PPARGC1B: variants seen among roughly 807,000 people sequenced by gnomAD.
PPARGC1B encodes the protein PPARG coactivator 1 beta, also known as peroxisome proliferator-activated receptor gamma coactivator 1-beta.
In PPARGC1B, 34 loss-of-function variants were observed where a neutral mutation model predicts 101.6. The observed-to-expected ratio is 0.33, with a 90% CI of 0.25 to 0.45. PPARGC1B has a LOEUF of 0.45. PPARGC1B is among the 20% of genes least tolerant of loss of function. The pLI is 1.00. For missense variants in PPARGC1B, 1,234 were observed against 1,317.6 expected, an observed-to-expected ratio of 0.94 and a Z score of 0.98; for synonymous variants, 548 against 539.3, an observed-to-expected ratio of 1.02 and a Z score of -0.22.
intron 1 of PPARGC1B, among the ~76,000 whole-genome samples, chr5:149,784,810 G>A (rs1461538213): frequency 7.9e-5 from 12 of 151,904 alleles, no homozygotes; most frequent in African/African-American, 1.4e-4. Flanking sequence ...CTTGTCATCC[G>A]CCTGCCTTGG....
intron 1 of PPARGC1B, among the ~76,000 whole-genome samples, chr5:149,806,181 C>T (rs1757591156): frequency 6.6e-6 from 1 of 152,214 alleles, no homozygotes; most frequent in South Asian, 2.1e-4. Context: ...TGAGGGTCCC[C>T]TGTCTGTTCA....
At chr5:149,790,545 A>G (rs901092105) in intron 1 of PPARGC1B, among the ~76,000 whole-genome samples, 3 of 152,142 alleles carry the variant, frequency 2.0e-5, no homozygotes, top group African/African-American at 4.8e-5. Flanking sequence ...GAGGCCTTTG[A>G]GGCTTAAAAT....
At chr5:149,750,456 ATATAT>A (rs1561851649) in intron 1 of PPARGC1B, among the ~76,000 whole-genome samples, 177 of 4,366 alleles carry the variant, frequency 0.041, 3 homozygotes, top group African/African-American at 0.13. Flanking sequence ...TAGTTAAAAT[ATATAT>A]ATATATATAT....
downstream of PPARGC1B, among the ~76,000 whole-genome samples, chr5:149,856,048 C>T (rs1759940747): frequency 6.6e-6 from 1 of 151,978 alleles, no homozygotes; most frequent in Non-Finnish European, 1.5e-5. Flanking sequence ...ACCCGGGAGG[C>T]GGAGGTTGCA....
Position 149,852,873 on chromosome 5 carries a change from C to G in PPARGC1B, c.*5315C>G, listed in dbSNP as rs528037137. ...AATGGTATAGCAGCAGTGACTGAGC[C>G]TTCGTGATTCCTGGGGACAGCTTTT... On this transcript the variant is annotated 3_prime_UTR_variant, in exon 12 of 12. Transcript: ENST00000309241. The G allele has an allele frequency of 6.6e-6, 1 of 152,210 alleles. No individual in the cohort carries two copies. The highest frequency in any genetic ancestry group is 6.5e-5 in the Admixed American group (1 of 15,282). The allele number at this position is 152,210 out of a possible 1,614,324, so 9.4% of individuals were successfully genotyped here.
At chr5:149,801,378 G>A (rs1268341220) in intron 1 of PPARGC1B, among the ~76,000 whole-genome samples, 1 of 152,212 alleles carries the variant, frequency 6.6e-6, no homozygotes, top group African/African-American at 2.4e-5. Flanking sequence ...TAGAGTGAAG[G>A]ATGAATAGGA....
intron 1 of PPARGC1B, among the ~76,000 whole-genome samples, chr5:149,748,507 A>G (rs1274887722): frequency 6.6e-6 from 1 of 152,110 alleles, no homozygotes; most frequent in African/African-American, 2.4e-5. Flanking sequence ...TGCACGGGAA[A>G]CCAGTTGCAG....
Position 149,830,874 on chromosome 5 carries a change from T to G in PPARGC1B, c.573T>G (p.Pro191=). Residue 191 remains proline (P), a synonymous_variant, in exon 4 of 12, where the codon CCT becomes CCG. Coordinates refer to ENST00000309241, the MANE Select transcript of PPARGC1B (RefSeq NM_133263.4). ...QAGLRSKSQR[P]CVKADSTQDK... is the part of the protein sequence containing the mutation. The stretch of plus-strand genomic sequence containing the variant: ...GCCTCAGATCTAAAAGTCAACGGCC[T>G]TGTGTTAAGGTATTTCTTCACATGC... The G allele has an allele frequency of 6.2e-7, 1 of 1,611,266 alleles. No homozygotes were observed. Among genetic ancestry groups the G allele is most frequent in the Non-Finnish European group, 8.5e-7 (1 of 1,177,364 alleles).
chr5:149,810,996 A>G (rs1035189950), intron 1 of PPARGC1B, among the ~76,000 whole-genome samples: 1 of 152,206 alleles, frequency 6.6e-6, no homozygotes, highest in Non-Finnish European at 1.5e-5. Flanking sequence ...ATGAGAGTGG[A>G]AACTACGGCT....
At chr5:149,841,838 C>T (rs1759350404) in intron 9 of PPARGC1B, among the ~76,000 whole-genome samples, 1 of 152,154 alleles carries the variant, frequency 6.6e-6, no homozygotes, top group Non-Finnish European at 1.5e-5. Flanking sequence ...CTGATGCCCC[C>T]ACCCCATTAC....
rs1464502191 is a variant in PPARGC1B at position 149,852,866 on chromosome 5, A to C, written c.*5308A>C. On this transcript the variant is annotated 3_prime_UTR_variant, in exon 12 of 12. Coordinates refer to ENST00000309241, the MANE Select transcript of PPARGC1B (RefSeq NM_133263.4). Reference sequence around the variant, plus strand: ...TTTCTTTAATGGTATAGCAGCAGTGACTGAGCCTTCGTGATTCCTGGGGAC... The same window carrying C: ...TTTCTTTAATGGTATAGCAGCAGTGCCTGAGCCTTCGTGATTCCTGGGGAC... The C allele has an allele frequency of 6.6e-6, 1 of 152,124 alleles. No homozygotes were observed. Among genetic ancestry groups the C allele is most frequent in the Non-Finnish European group, 1.5e-5 (1 of 68,030 alleles). The allele number at this position is 152,124 out of a possible 1,614,324, so 9.4% of individuals were successfully genotyped here. A position where few individuals can be genotyped will look rare whatever the true frequency, so the allele number is the denominator to read the frequency against.
At chr5:149,828,778 G>A (rs1758628415) in intron 3 of PPARGC1B, among the ~76,000 whole-genome samples, 2 of 152,204 alleles carry the variant, frequency 1.3e-5, no homozygotes, top group Non-Finnish European at 2.9e-5. Flanking sequence ...CGGGCACAGT[G>A]GCTTATACCT....
intron 1 of PPARGC1B, among the ~76,000 whole-genome samples, chr5:149,757,975 A>G (rs1755597246): frequency 6.6e-6 from 1 of 152,198 alleles, no homozygotes; most frequent in Admixed American, 6.5e-5. Context: ...AGCTTGGGGC[A>G]TTCTTTGGCT....
intron 3 of PPARGC1B, among the ~76,000 whole-genome samples, chr5:149,830,053 A>AAG (rs1758704136): frequency 2.8e-5 from 3 of 107,606 alleles, no homozygotes; most frequent in Non-Finnish European, 5.5e-5. Flanking sequence ...AAAAAAAAAA[A>AAG]AGAAAAAAAA....
chr5:149,815,517 T>C (rs1758017680), intron 1 of PPARGC1B, among the ~76,000 whole-genome samples: 3 of 152,190 alleles, frequency 2.0e-5, no homozygotes. Flanking sequence ...TGGTCCTTTG[T>C]TATGGAAGCC....
intron 1 of PPARGC1B, among the ~76,000 whole-genome samples, chr5:149,776,044 A>C (rs1581039572): frequency 1.3e-5 from 2 of 151,600 alleles, no homozygotes; most frequent in African/African-American, 2.4e-5. Flanking sequence ...CTTCCCCTCC[A>C]CCTCCTTCTC....
chr5:149,760,299 G>A (rs540910958), intron 1 of PPARGC1B, among the ~76,000 whole-genome samples: 1 of 152,270 alleles, frequency 6.6e-6, no homozygotes, highest in African/African-American at 2.4e-5. Context: ...CTTAAGGTTG[G>A]GCTATCCCAG....
At chr5:149,813,449 A>G (rs1338880579) in intron 1 of PPARGC1B, among the ~76,000 whole-genome samples, 6 of 152,148 alleles carry the variant, frequency 3.9e-5, no homozygotes, top group African/African-American at 1.4e-4. Context: ...CATTCCCCCA[A>G]CAGAAACCAC....
At chr5:149,744,986 C>T (rs1443574418) in intron 1 of PPARGC1B, among the ~76,000 whole-genome samples, 2 of 149,852 alleles carry the variant, frequency 1.3e-5, no homozygotes, top group Non-Finnish European at 2.9e-5. Context: ...ACTGCAGTCT[C>T]GACCTCTTGG....
Sources: gnomAD v4.1 joint callset for allele counts (sites outside exome capture counted in the v4.1 genomes callset) on GRCh38, gnomAD v4.1.1 for gene constraint, MANE v1.5 for transcripts, NCBI Gene and HGNC (gene_info 2026-07-23, HGNC 2026-07-21) for gene names.